METTL15: variants seen among roughly 807,000 people sequenced by gnomAD.
METTL15 encodes the protein 12S rRNA N(4)-cytidine methyltransferase METTL15.
Under a neutral mutation model 38.3 loss-of-function variants are expected in METTL15, and 34 were observed. The observed-to-expected ratio is 0.89, with a 90% confidence interval of 0.68 to 1.18. The LOEUF is 1.18. Ranked by LOEUF, METTL15 falls within the 50% of genes most tolerant of loss-of-function variation. The pLI, the probability that METTL15 is intolerant of heterozygous loss-of-function variation, is 0.00. For missense variants in METTL15, 438 were observed against 498.4 expected, an observed-to-expected ratio of 0.88 and a Z score of 1.15; for synonymous variants, 162 against 170.9, an observed-to-expected ratio of 0.95 and a Z score of 0.41.
intron 6 of METTL15, among the ~76,000 whole-genome samples, chr11:28,439,882 G>GT (rs1851019377): frequency 1.3e-5 from 2 of 152,340 alleles, no homozygotes; most frequent in South Asian, 4.1e-4. Context: ...TTGCTCACCT[G>GT]TGGAGTTGCC....
In METTL15 at chr11:28,194,799, GATAGGTGTA is replaced by G. The variant is rs1401595394; in HGVS notation, c.271-16262_271-16254del. Among the ~76,000 whole-genome samples, 5 of 151,842 alleles carry G rather than the reference GATAGGTGTA, an allele frequency of 3.3e-5. No individual in the cohort carries two copies. In the South Asian group the frequency reaches 8.3e-4, roughly 25 times the overall value. ...GAGTTTAGTGTACCTATCACTTGGT[GATAGGTGTA>G]CCTTGTGCCCCAATAGGTTTTTTTT... On this transcript the variant is annotated intron_variant, in intron 3 of 6. Transcript: ENST00000407364.
Position 28,432,551 on chromosome 11 carries a change from T to C in METTL15, c.*424+8187T>C, listed in dbSNP as rs186624961. 1.1e-3 allele frequency among the ~76,000 whole-genome samples: 173 copies of C among 152,324 alleles called. 1 individual carries two copies. The highest frequency in any genetic ancestry group is 9.4e-3 in the Admixed American group (144 of 15,298). ...GTCTGGCAGTTCTGTTTGCCCGATA[T>C]AGAAAAACGAGAAAGAGTTTTAGTG... On this transcript the variant is annotated intron_variant and NMD_transcript_variant, in intron 6 of 7. Coordinates refer to the METTL15 transcript ENST00000532947.
At chr11:28,438,327 T>C (rs528869219) in intron 6 of METTL15, among the ~76,000 whole-genome samples, 6 of 152,346 alleles carry the variant, frequency 3.9e-5, no homozygotes, top group Admixed American at 2.6e-4. Context: ...TTAGAGTCTT[T>C]TCAGGCCACG....
chr11:28,181,870 A>G (rs1316403932), intron 3 of METTL15, among the ~76,000 whole-genome samples: 1 of 152,098 alleles, frequency 6.6e-6, no homozygotes. Flanking sequence ...TTACACTCCC[A>G]CCAGCAGTGT....
chr11:28,321,293 G>A (rs1186652192), intron 6 of METTL15, among the ~76,000 whole-genome samples: 1 of 152,128 alleles, frequency 6.6e-6, no homozygotes, highest in African/African-American at 2.4e-5. Context: ...GAGAAACTCA[G>A]AAGTGTTTTA....
At chr11:28,125,812 G>A (rs1852456766) in intron 3 of METTL15, 1 of 152,036 alleles carries the variant, frequency 6.6e-6, no homozygotes, top group South Asian at 2.1e-4. Flanking sequence ...TTTCTGAAAT[G>A]TAAACTTACC....
At chr11:28,247,973 A>G (rs1344254383) in intron 4 of METTL15, among the ~76,000 whole-genome samples, 5 of 152,060 alleles carry the variant, frequency 3.3e-5, no homozygotes, top group Non-Finnish European at 5.9e-5. Flanking sequence ...AGTTGTCAAA[A>G]TATGTCTTTG....
chr11:28,144,463 A>G (rs1402726425), intron 3 of METTL15, among the ~76,000 whole-genome samples: 1 of 152,194 alleles, frequency 6.6e-6, no homozygotes, highest in African/African-American at 2.4e-5. Context: ...GAGAAATATT[A>G]AAAGTAATGC....
At chr11:28,443,741 T>G (rs1851053938) in intron 6 of METTL15, among the ~76,000 whole-genome samples, 1 of 152,164 alleles carries the variant, frequency 6.6e-6, no homozygotes, top group Non-Finnish European at 1.5e-5. Flanking sequence ...CATTAGGGAA[T>G]CCTGTCCGCT....
chr11:28,500,249 T>A (rs1287336175), intron 6 of METTL15, among the ~76,000 whole-genome samples: 2 of 152,206 alleles, frequency 1.3e-5, no homozygotes. Context: ...CTTCTGATCT[T>A]GGTTTCAAGA....
At chr11:28,148,887 T>C (rs1039344663) in intron 3 of METTL15, among the ~76,000 whole-genome samples, 2 of 151,984 alleles carry the variant, frequency 1.3e-5, no homozygotes, top group Non-Finnish European at 2.9e-5. Flanking sequence ...TATTCTGTGT[T>C]TTTAAACACT....
At chr11:28,158,307 T>G (rs1367252359) in intron 3 of METTL15, among the ~76,000 whole-genome samples, 1 of 152,130 alleles carries the variant, frequency 6.6e-6, no homozygotes, top group East Asian at 1.9e-4. Flanking sequence ...TCAGCCTCTT[T>G]CCCCAGCCAC....
intron 6 of METTL15, among the ~76,000 whole-genome samples, chr11:28,470,120 A>G (rs145677935): frequency 4.9e-4 from 75 of 152,268 alleles, no homozygotes; most frequent in African/African-American, 1.7e-3. Context: ...GCCATTGGTA[A>G]TAATGTTCAA....
intron 5 of METTL15, among the ~76,000 whole-genome samples, chr11:28,421,220 A>G (rs1269503312): frequency 6.6e-6 from 1 of 152,032 alleles, no homozygotes; most frequent in Non-Finnish European, 1.5e-5. Flanking sequence ...CCATAATAAA[A>G]AACATCTCCC....
intron 4 of METTL15, among the ~76,000 whole-genome samples, chr11:28,231,204 A>T (rs2133882549): frequency 6.6e-6 from 1 of 152,002 alleles, no homozygotes. Flanking sequence ...AAGACAGATA[A>T]TTAAGAAGTA....
chr11:28,257,291 T>A (rs1855011722), intron 4 of METTL15, among the ~76,000 whole-genome samples: 2 of 152,362 alleles, frequency 1.3e-5, no homozygotes, highest in South Asian at 4.1e-4. Context: ...TTTGCTTCTT[T>A]TCCTTTGTGG....
intron 3 of METTL15, among the ~76,000 whole-genome samples, chr11:28,186,883 T>C (rs1851515060): frequency 6.6e-6 from 1 of 151,150 alleles, no homozygotes; most frequent in Non-Finnish European, 1.5e-5. Context: ...TGTGAAGATA[T>C]GCACGAATGA....
intron 5 of METTL15, among the ~76,000 whole-genome samples, chr11:28,294,015 G>C (rs1489984556): frequency 6.6e-6 from 1 of 152,150 alleles, no homozygotes; most frequent in Non-Finnish European, 1.5e-5. Flanking sequence ...GGGACAATTT[G>C]ACTTCCTCTT....
At chr11:28,398,249 A>G (rs1364420955) in intron 5 of METTL15, among the ~76,000 whole-genome samples, 1 of 152,066 alleles carries the variant, frequency 6.6e-6, no homozygotes. Flanking sequence ...AAAAAGGATA[A>G]ATGAAACAAA....
Sources: allele counts gnomAD v4.1 joint callset (sites outside exome capture counted in the v4.1 genomes callset), GRCh38; gene constraint gnomAD v4.1.1; transcripts MANE v1.5; gene names NCBI Gene and HGNC (gene_info 2026-07-23, HGNC 2026-07-21).